The following STPG2 variants were observed in gnomAD, a reference collection of about 807,000 sequenced individuals.
The protein encoded by STPG2 is sperm-tail PG-rich repeat-containing protein 2.
STPG2 carries 56 observed loss-of-function variants against 54.2 expected under a neutral mutation model. The ratio of observed to expected loss-of-function variants is 1.03; its 90% CI spans 0.83 to 1.29. STPG2 has a LOEUF of 1.29. STPG2 is among the 50% of genes most tolerant of loss of function. The pLI is 0.00. For synonymous variants in STPG2, 200 were observed against 181.8 expected, an observed-to-expected ratio of 1.10 and a Z score of -0.81; for missense variants, 596 against 544.9, an observed-to-expected ratio of 1.09 and a Z score of -0.93.
intron 5 of STPG2, among the ~76,000 whole-genome samples, chr4:98,084,374 G>A (rs1030236668): frequency 2.0e-5 from 3 of 152,116 alleles, no homozygotes; most frequent in African/African-American, 7.2e-5. Flanking sequence ...CATTTGGGTT[G>A]TTTTCAGTTT....
rs533799316 is a variant in STPG2 at position 98,083,424 on chromosome 4, T to A, written c.612+22529A>T. 1.3e-4 allele frequency among the ~76,000 whole-genome samples: 20 copies of A among 152,262 alleles called. No homozygotes were observed. The South Asian group carries it at 4.1e-3, about 32-fold the overall frequency. ...TCTTTGGTGGAGCTTAACCCTTTCA[T>A]ATATAGAAATTCTTGGAAAATATGA... On this transcript the variant is annotated intron_variant, in intron 5 of 10. Transcript: ENST00000295268.
chr4:97,766,431 A>T lies in STPG2; in HGVS notation c.1205-53617T>A, dbSNP rs901964340. 3.9e-5 allele frequency among the ~76,000 whole-genome samples: 6 copies of T among 152,208 alleles called. 1 individual carries two copies. The highest frequency in any genetic ancestry group is 6.5e-5 in the Admixed American group (1 of 15,284). On this transcript the variant is annotated intron_variant, in intron 9 of 10. Coordinates refer to ENST00000295268, the MANE Select transcript of STPG2 (RefSeq NM_174952.3). ...ATATAAAATTCCTTTTATCCCAAAC[A>T]TTATTCAAAAATAAAAATACTAATG...
intron 4 of STPG2, among the ~76,000 whole-genome samples, chr4:97,539,369 C>CA (rs1423138639): frequency 1.3e-5 from 2 of 151,220 alleles, no homozygotes; most frequent in Non-Finnish European, 1.5e-5. Flanking sequence ...AAATGGAAAA[C>CA]AAAAAAAGGC....
intron 4 of STPG2, among the ~76,000 whole-genome samples, chr4:97,483,665 T>G (rs1005167324): frequency 1.3e-5 from 2 of 151,748 alleles, no homozygotes; most frequent in Non-Finnish European, 2.9e-5. Flanking sequence ...AGACAGGTCA[T>G]GAAGACATAC....
downstream of STPG2, among the ~76,000 whole-genome samples, chr4:97,556,365 T>C (rs564632181): frequency 2.6e-5 from 4 of 152,266 alleles, no homozygotes; most frequent in South Asian, 8.3e-4. Flanking sequence ...TCCAATTCCA[T>C]CCTTCAGAAA....
At chr4:97,963,163 A>ACAAC (rs1418874219) in intron 7 of STPG2, among the ~76,000 whole-genome samples, 1 of 144,178 alleles carries the variant, frequency 6.9e-6, no homozygotes, top group African/African-American at 2.9e-5. Flanking sequence ...CATCTCAAAA[A>ACAAC]CAAACAAACA....
intron 8 of STPG2, among the ~76,000 whole-genome samples, chr4:97,848,162 T>C (rs1729027110): frequency 6.6e-6 from 1 of 152,156 alleles, no homozygotes; most frequent in African/African-American, 2.4e-5. Context: ...AATTTACAAC[T>C]GTAAAAGCCA....
At chr4:97,944,694 G>T (rs1733133436) in intron 7 of STPG2, among the ~76,000 whole-genome samples, 3 of 151,984 alleles carry the variant, frequency 2.0e-5, no homozygotes, top group Admixed American at 2.0e-4. Context: ...TTCAGAATTT[G>T]ATATTCATAG....
Position 98,106,049 on chromosome 4 carries a change from A to G in STPG2, c.516T>C (p.Tyr172=). The G allele has an allele frequency of 6.8e-7, 1 of 1,478,448 alleles. No individual in the cohort carries two copies. Among genetic ancestry groups the G allele is most frequent in the Non-Finnish European group, 9.2e-7 (1 of 1,083,938 alleles). The allele number at this position is 1,478,448 out of a possible 1,614,324, so 91.6% of individuals were successfully genotyped here. ...CTCTCTTGATGTTAACATTTTCATA[A>G]TATGATGTCTTTTTCCTTCAGAAAA... ...QYDIVQKKTS[Y]YENVNIKRDQ... The change falls in exon 5 of 11, where the codon TAT becomes TAC. Residue 172 remains tyrosine, a synonymous_variant. Coordinates refer to ENST00000295268, the MANE Select transcript of STPG2 (RefSeq NM_174952.3).
intron 10 of STPG2, among the ~76,000 whole-genome samples, chr4:97,639,980 A>T (rs879872828): frequency 1.3e-5 from 2 of 152,110 alleles, no homozygotes; most frequent in Admixed American, 1.3e-4. Context: ...ACCGTATGAG[A>T]TAGGTTCATT....
intron 5 of STPG2, among the ~76,000 whole-genome samples, chr4:97,982,783 C>T (rs1276761020): frequency 2.6e-5 from 4 of 152,152 alleles, no homozygotes; most frequent in African/African-American, 9.7e-5. Flanking sequence ...TTACTTGAGG[C>T]TTACCTGATA....
chr4:97,815,919 T>G (rs1727892525), intron 9 of STPG2, among the ~76,000 whole-genome samples: 1 of 152,146 alleles, frequency 6.6e-6, no homozygotes, highest in Non-Finnish European at 1.5e-5. Context: ...CTGGGATACA[T>G]GTGCAGAATG....
intron 8 of STPG2, among the ~76,000 whole-genome samples, chr4:97,936,836 G>A (rs1319508874): frequency 6.6e-6 from 1 of 152,136 alleles, no homozygotes; most frequent in Admixed American, 6.6e-5. Context: ...CAACCTTAGA[G>A]AATCTGATGA....
At chr4:97,697,939 T>C (rs1249044196) in intron 10 of STPG2, among the ~76,000 whole-genome samples, 5 of 152,224 alleles carry the variant, frequency 3.3e-5, no homozygotes, top group Non-Finnish European at 5.9e-5. Context: ...CTATAATCTA[T>C]AGAAACAATG....
chr4:97,815,199 A>T (rs1458645504), intron 9 of STPG2, among the ~76,000 whole-genome samples: 2 of 152,104 alleles, frequency 1.3e-5, no homozygotes, highest in African/African-American at 4.8e-5. Flanking sequence ...TGACTATGTG[A>T]CCAGTTACAG....
At chr4:97,937,031 G>A (rs1331727202) in intron 8 of STPG2, among the ~76,000 whole-genome samples, 1 of 151,852 alleles carries the variant, frequency 6.6e-6, no homozygotes, top group Non-Finnish European at 1.5e-5. Context: ...CATAGGTTCA[G>A]TATTTTTTCA....
Position 97,712,709 on chromosome 4 carries a change from G to T in STPG2, c.1310C>A (p.Ala437Glu). ...GAAATATTGACAAACCTCATATGTT[G>T]CTGGGCCTGGAGTAATCTCTTTGGA... ...EESKEITPGP[A>E]TYEISQEKKK... Residue 437 changes from alanine to glutamate, a missense_variant, in exon 10 of 11, where the codon GCA (alanine) becomes GAA (glutamate). Physicochemically the swap from Ala to Glu is moderately radical, Grantham distance 107. Coordinates refer to ENST00000295268, the MANE Select transcript of STPG2 (RefSeq NM_174952.3). The T allele has an allele frequency of 6.3e-7, 1 of 1,577,504 alleles. No homozygotes were observed. The highest frequency in any genetic ancestry group is 1.2e-5 in the South Asian group (1 of 84,160).
chr4:98,053,918 TTTAAA>T (rs1737406220), intron 5 of STPG2, among the ~76,000 whole-genome samples: 1 of 152,158 alleles, frequency 6.6e-6, no homozygotes, highest in African/African-American at 2.4e-5. Context: ...ACTAAAGACT[TTTAAA>T]TTAGTCCTGA....
intron 10 of STPG2, among the ~76,000 whole-genome samples, chr4:97,643,714 A>G (rs1721828090): frequency 6.6e-6 from 1 of 151,834 alleles, no homozygotes. Context: ...CTATAAGCAT[A>G]CATATCTAGC....
Sources: gnomAD v4.1 joint callset for allele counts (sites outside exome capture counted in the v4.1 genomes callset) on GRCh38, gnomAD v4.1.1 for gene constraint, MANE v1.5 for transcripts, NCBI Gene and HGNC (gene_info 2026-07-23, HGNC 2026-07-21) for gene names.